SLC4A4: variants seen among roughly 807,000 people sequenced by gnomAD.
SLC4A4 encodes solute carrier family 4 member 4.
In SLC4A4, 27 loss-of-function variants were observed where a neutral mutation model predicts 111.5. The ratio of observed to expected loss-of-function variants is 0.24; its 90% CI spans 0.18 to 0.33. The LOEUF is 0.33. Ranked by LOEUF, SLC4A4 falls within the 10% of genes least tolerant of loss-of-function variation. The probability of loss-of-function intolerance (pLI) is 1.00; values close to 1 mark genes in which losing one functional copy is unlikely to be tolerated. For synonymous variants in SLC4A4, 443 were observed against 463.4 expected (o/e 0.96, Z 0.57); for missense variants, 909 against 1,315.5 (o/e 0.69, Z 4.78).
At chr4:71,235,306 C>A (rs1719725655) in intron 1 of SLC4A4, among the ~76,000 whole-genome samples, 1 of 152,026 alleles carries the variant, frequency 6.6e-6, no homozygotes, top group South Asian at 2.1e-4. Context: ...ATAGTAAGGA[C>A]AAAAATATGA....
intron 1 of SLC4A4, among the ~76,000 whole-genome samples, chr4:71,073,837 A>G (rs1195173265): frequency 6.6e-6 from 1 of 152,070 alleles, no homozygotes; most frequent in Non-Finnish European, 1.5e-5. Flanking sequence ...AAATCCCAGC[A>G]TTTTGAAAGG....
intron 3 of SLC4A4, among the ~76,000 whole-genome samples, chr4:71,258,617 G>A (rs943193372): frequency 6.6e-6 from 1 of 152,210 alleles, no homozygotes; most frequent in Non-Finnish European, 1.5e-5. Context: ...AGAGAAAGAC[G>A]TAAGCATTGC....
intron 3 of SLC4A4, among the ~76,000 whole-genome samples, chr4:71,287,256 G>A (rs1723985429): frequency 6.6e-6 from 1 of 152,118 alleles, no homozygotes; most frequent in Admixed American, 6.5e-5. Context: ...CTAATAGGAA[G>A]GAAAGCAGAC....
chr4:71,483,394 A>T (rs898424210), intron 14 of SLC4A4, among the ~76,000 whole-genome samples: 1 of 151,898 alleles, frequency 6.6e-6, no homozygotes, highest in Non-Finnish European at 1.5e-5. Flanking sequence ...CTCATCATTT[A>T]GCTCTCATTC....
chr4:71,330,007 T>G (rs1360377520), intron 3 of SLC4A4, among the ~76,000 whole-genome samples: 2 of 152,188 alleles, frequency 1.3e-5, no homozygotes, highest in Non-Finnish European at 2.9e-5. Flanking sequence ...TTTTAGAGGG[T>G]TTTTATCATG....
intron 1 of SLC4A4, among the ~76,000 whole-genome samples, chr4:71,089,891 T>C (rs142257536): frequency 0.54 from 67,882 of 124,708 alleles, 20,889 homozygotes; most frequent in East Asian, 0.73. Flanking sequence ...TCTCCAGCTG[T>C]GTGCTGGGAG....
intron 20 of SLC4A4, among the ~76,000 whole-genome samples, chr4:71,549,354 TA>T (rs1449877204): frequency 6.6e-6 from 1 of 151,874 alleles, no homozygotes; most frequent in Non-Finnish European, 1.5e-5. Flanking sequence ...AGATCATTTT[TA>T]GAGAGTTCAC....
intron 16 of SLC4A4, among the ~76,000 whole-genome samples, chr4:71,522,520 G>C (rs1251690196): frequency 6.6e-6 from 1 of 152,176 alleles, no homozygotes; most frequent in Admixed American, 6.5e-5. Context: ...AAAAACAGCA[G>C]TATTGGGACT....
At chr4:71,289,521 G>A (rs1724169388) in intron 3 of SLC4A4, among the ~76,000 whole-genome samples, 1 of 152,200 alleles carries the variant, frequency 6.6e-6, no homozygotes. Flanking sequence ...ATCTAGCAGA[G>A]AGAGAACGTG....
chr4:71,099,415 C>A (rs1742652175), intron 2 of SLC4A4, among the ~76,000 whole-genome samples: 1 of 151,952 alleles, frequency 6.6e-6, no homozygotes, highest in Non-Finnish European at 1.5e-5. Context: ...ACAAATATAC[C>A]AGAATCTCTG....
At chr4:71,190,385 TACACACACACACACAC>T (rs5859253) in intron 1 of SLC4A4, among the ~76,000 whole-genome samples, 3,339 of 143,760 alleles carry the variant, frequency 0.023, 92 homozygotes, top group African/African-American at 0.068. Context: ...TATGTATGTT[TACACACACACACACAC>T]ACACACACAC....
intron 3 of SLC4A4, among the ~76,000 whole-genome samples, chr4:71,335,599 G>A (rs888540127): frequency 3.9e-5 from 6 of 152,136 alleles, no homozygotes; most frequent in African/African-American, 1.4e-4. Context: ...GCCGAGGAGC[G>A]GGGATCACAA....
Position 71,365,089 on chromosome 4 carries a change from T to C in SLC4A4, c.730+7902T>C, listed in dbSNP as rs563637396. Among the ~76,000 whole-genome samples, 16 of 152,332 alleles carry C rather than the reference T, an allele frequency of 1.1e-4. No homozygotes were observed. In the South Asian group the frequency reaches 3.1e-3, roughly 30 times the overall value. ...CAGTTTTAGCTATCAAGAAATAATA[T>C]GTGTACAGCAAGATGTTACCATGTA... On this transcript the variant is annotated intron_variant, in intron 6 of 25. Transcript: ENST00000264485.
intron 2 of SLC4A4, among the ~76,000 whole-genome samples, chr4:71,247,898 C>T (rs908288040): frequency 6.6e-6 from 1 of 152,104 alleles, no homozygotes; most frequent in Non-Finnish European, 1.5e-5. Context: ...TGGCTCTATT[C>T]TGTCTCGTTG....
chr4:71,367,428 T>TG (rs918241803), intron 6 of SLC4A4, among the ~76,000 whole-genome samples: 1 of 152,240 alleles, frequency 6.6e-6, no homozygotes, highest in African/African-American at 2.4e-5. Flanking sequence ...ACTGGGTCCT[T>TG]GCTTGGGCCT....
intron 3 of SLC4A4, among the ~76,000 whole-genome samples, chr4:71,314,296 A>G (rs1236611623): frequency 6.6e-6 from 1 of 152,214 alleles, no homozygotes. Flanking sequence ...GATGTGGAGA[A>G]TTAGGAATGC....
chr4:71,361,757 T>C (rs1730811540), intron 6 of SLC4A4, among the ~76,000 whole-genome samples: 1 of 152,230 alleles, frequency 6.6e-6, no homozygotes, highest in Non-Finnish European at 1.5e-5. Context: ...TAGTGTATTA[T>C]GAAAAAGTAA....
intron 16 of SLC4A4, among the ~76,000 whole-genome samples, chr4:71,510,935 A>G (rs1446767972): frequency 2.6e-5 from 4 of 152,144 alleles, no homozygotes; most frequent in African/African-American, 7.2e-5. Flanking sequence ...TCTTACAATT[A>G]TAACAGGCTA....
At chr4:71,120,729 G>T (rs1037307814) in intron 2 of SLC4A4, among the ~76,000 whole-genome samples, 1 of 152,214 alleles carries the variant, frequency 6.6e-6, no homozygotes, top group African/African-American at 2.4e-5. Flanking sequence ...TTAGCCAGGC[G>T]TGGTGGCGGG....
Sources: allele counts gnomAD v4.1 joint callset (sites outside exome capture counted in the v4.1 genomes callset), GRCh38; gene constraint gnomAD v4.1.1; transcripts MANE v1.5; gene names NCBI Gene and HGNC (gene_info 2026-07-23, HGNC 2026-07-21).